The following BABAM2 variants were observed in gnomAD, a reference collection of about 807,000 sequenced individuals.
The protein encoded by BABAM2 is BRISC and BRCA1-A complex member 2.
In BABAM2, 31 loss-of-function variants were observed where a neutral mutation model predicts 54.7. That is an observed-to-expected ratio of 0.57 (90% CI 0.43 to 0.77). BABAM2 has a LOEUF of 0.77. BABAM2 is among the 30% of genes least tolerant of loss of function. The probability of loss-of-function intolerance (pLI) is 0.00; values close to 1 mark genes in which losing one functional copy is unlikely to be tolerated. For synonymous variants in BABAM2, 167 were observed against 162.9 expected (o/e 1.03, Z -0.19); for missense variants, 364 against 455.8 (o/e 0.80, Z 1.83).
chr2:28,198,846 A>G (rs1677927613), intron 7 of BABAM2, among the ~76,000 whole-genome samples: 1 of 152,144 alleles, frequency 6.6e-6, no homozygotes, highest in African/African-American at 2.4e-5. Flanking sequence ...AAAAAGGAGA[A>G]CTTTTTAATG....
intron 4 of BABAM2, among the ~76,000 whole-genome samples, chr2:28,007,477 T>G (rs1674059345): frequency 6.6e-6 from 1 of 152,080 alleles, no homozygotes; most frequent in African/African-American, 2.4e-5. Flanking sequence ...GAGAAGATAG[T>G]GATCCTGGCA....
intron 11 of BABAM2, chr2:28,310,292 T>G: frequency 1.2e-6 from 1 of 840,096 alleles, no homozygotes; most frequent in Non-Finnish European, 1.8e-6. Flanking sequence ...TCTCAGCCTG[T>G]GCAGACCAGG....
At chr2:28,056,695 G>T (rs181644142) in intron 6 of BABAM2, among the ~76,000 whole-genome samples, 6 of 152,124 alleles carry the variant, frequency 3.9e-5, no homozygotes, top group Non-Finnish European at 7.3e-5. Flanking sequence ...TACAAAAGCA[G>T]CTATGGCTTA....
At chr2:28,245,469 A>C (rs1682835528) in intron 10 of BABAM2, among the ~76,000 whole-genome samples, 1 of 152,236 alleles carries the variant, frequency 6.6e-6, no homozygotes, top group African/African-American at 2.4e-5. Flanking sequence ...CGTAGTAGGC[A>C]TACCTAATGG....
chr2:27,904,076 G>A (rs1232691961), intron 2 of BABAM2, among the ~76,000 whole-genome samples: 1 of 152,132 alleles, frequency 6.6e-6, no homozygotes, highest in African/African-American at 2.4e-5. Flanking sequence ...CTAACGGGTG[G>A]GTAGTGTAGA....
intron 7 of BABAM2, among the ~76,000 whole-genome samples, chr2:28,135,242 CA>C (rs1383362807): frequency 2.0e-5 from 3 of 152,214 alleles, no homozygotes; most frequent in Non-Finnish European, 2.9e-5. Flanking sequence ...AATACTGTAA[CA>C]ATAACAGATA....
At chr2:27,924,176 T>G (rs1433146409) in intron 2 of BABAM2, among the ~76,000 whole-genome samples, 1 of 152,110 alleles carries the variant, frequency 6.6e-6, no homozygotes, top group Non-Finnish European at 1.5e-5. Context: ...GGTTTAGAAT[T>G]TACCAAAACT....
At chr2:28,008,888 C>A (rs1674170534) in intron 4 of BABAM2, among the ~76,000 whole-genome samples, 1 of 152,028 alleles carries the variant, frequency 6.6e-6, no homozygotes, top group African/African-American at 2.4e-5. Context: ...GATGTTCTTC[C>A]CCCCTGGATA....
Position 28,338,613 on chromosome 2 carries a change from C to G in BABAM2, c.*100C>G, listed in dbSNP as rs1485561146. 3 of 1,415,480 alleles carry G rather than the reference C, an allele frequency of 2.1e-6. No homozygotes were observed. In the African/African-American group the frequency reaches 4.2e-5, roughly 20 times the overall value. 87.7% of individuals were successfully genotyped at this position (1,415,480 alleles called of 1,614,324 possible). Reference sequence around the variant, plus strand: ...GAAGCCGCCTGGAATGTCTTCACGGCAGCGTTTTGCTCACACAGCAGCTTT... The same window carrying G: ...GAAGCCGCCTGGAATGTCTTCACGGGAGCGTTTTGCTCACACAGCAGCTTT... On this transcript the variant is annotated 3_prime_UTR_variant, in exon 12 of 12. Transcript: ENST00000379624.
chr2:28,012,052 T>C (rs1674440565), intron 4 of BABAM2, among the ~76,000 whole-genome samples: 1 of 152,188 alleles, frequency 6.6e-6, no homozygotes, highest in Non-Finnish European at 1.5e-5. Context: ...TAACAAAGTG[T>C]TTGCTTTAAC....
intron 11 of BABAM2, chr2:28,310,337 A>C: frequency 1.8e-6 from 1 of 566,766 alleles, no homozygotes; most frequent in Non-Finnish European, 3.1e-6. Flanking sequence ...AGCCCAGCTC[A>C]GTCTCCTGGC....
intron 2 of BABAM2, among the ~76,000 whole-genome samples, chr2:27,916,424 T>G (rs1666972492): frequency 6.6e-6 from 1 of 152,234 alleles, no homozygotes; most frequent in Admixed American, 6.5e-5. Flanking sequence ...ATATAACATT[T>G]ACTAATATGA....
chr2:28,163,801 T>G (rs1215711596), intron 7 of BABAM2, among the ~76,000 whole-genome samples: 1 of 152,144 alleles, frequency 6.6e-6, no homozygotes. Flanking sequence ...GGCCCAAGGC[T>G]CTAAGGTAAT....
intron 7 of BABAM2, among the ~76,000 whole-genome samples, chr2:28,191,977 G>A (rs938036241): frequency 6.6e-6 from 1 of 152,178 alleles, no homozygotes; most frequent in African/African-American, 2.4e-5. Flanking sequence ...AGAAATCGAA[G>A]AGCTGTTTTC....
chr2:28,118,500 TG>T (rs1668792425), intron 6 of BABAM2, among the ~76,000 whole-genome samples: 2 of 152,250 alleles, frequency 1.3e-5, no homozygotes, highest in African/African-American at 4.8e-5. Flanking sequence ...ATATGTTTGT[TG>T]GCCAAACAAA....
At chr2:27,911,152 A>G (rs901130470) in intron 2 of BABAM2, among the ~76,000 whole-genome samples, 5 of 152,164 alleles carry the variant, frequency 3.3e-5, no homozygotes, top group African/African-American at 1.2e-4. Context: ...CTGTGAGTCA[A>G]TTAAACCTCT....
intron 3 of BABAM2, among the ~76,000 whole-genome samples, chr2:27,976,729 A>G (rs951606054): frequency 6.6e-6 from 1 of 152,114 alleles, no homozygotes; most frequent in Admixed American, 6.5e-5. Context: ...AATAGTTTAT[A>G]ATTTTTATGT....
At chr2:28,205,862 A>C (rs1276548521) in intron 7 of BABAM2, among the ~76,000 whole-genome samples, 1 of 152,212 alleles carries the variant, frequency 6.6e-6, no homozygotes, top group East Asian at 1.9e-4. Context: ...GTTCTAGAGG[A>C]GTAAATGGCT....
At chr2:28,256,364 G>T (rs1683975122) in intron 10 of BABAM2, among the ~76,000 whole-genome samples, 2 of 152,140 alleles carry the variant, frequency 1.3e-5, no homozygotes, top group African/African-American at 2.4e-5. Context: ...ACTGCAGATT[G>T]TTGCCTATAT....
Sources: allele counts gnomAD v4.1 joint callset (sites outside exome capture counted in the v4.1 genomes callset), GRCh38; gene constraint gnomAD v4.1.1; transcripts MANE v1.5; gene names NCBI Gene and HGNC (gene_info 2026-07-23, HGNC 2026-07-21).